Variants in GNAO1 observed in about 807,000 individuals in gnomAD.
GNAO1 encodes guanine nucleotide-binding protein G(o) subunit alpha.
For missense variants in GNAO1, 166 were observed against 478.7 expected (o/e 0.35, Z 6.10); for synonymous variants, 164 against 180.7 (o/e 0.91, Z 0.74).
chr16:56,271,644 G>A (rs529121677), intron 2 of GNAO1, among the ~76,000 whole-genome samples: 3 of 152,064 alleles, frequency 2.0e-5, no homozygotes, highest in Non-Finnish European at 4.4e-5. Flanking sequence ...CAGTAGAGAC[G>A]GGGTTTCACC....
chr16:56,324,791 C>T (rs1337328661), intron 3 of GNAO1, among the ~76,000 whole-genome samples: 2 of 152,242 alleles, frequency 1.3e-5, no homozygotes, highest in Non-Finnish European at 2.9e-5. Context: ...GTCAGGTCAG[C>T]ATGGGGACTT....
intron 3 of GNAO1, among the ~76,000 whole-genome samples, chr16:56,304,133 G>A (rs1352785778): frequency 1.3e-5 from 2 of 152,210 alleles, no homozygotes; most frequent in Non-Finnish European, 2.9e-5. Flanking sequence ...CCAGTGGAGA[G>A]ACTTGTAAAC....
intron 6 of GNAO1, among the ~76,000 whole-genome samples, chr16:56,339,500 G>C (rs1382611455): frequency 6.6e-6 from 1 of 152,244 alleles, no homozygotes; most frequent in African/African-American, 2.4e-5. Flanking sequence ...CTCAGGCCTT[G>C]GTCCTCAGCC....
chr16:56,262,570 A>G (rs1010691530), intron 2 of GNAO1, among the ~76,000 whole-genome samples: 1 of 152,202 alleles, frequency 6.6e-6, no homozygotes, highest in Non-Finnish European at 1.5e-5. Context: ...CAAAGACTGA[A>G]CAAGATGAGC....
chr16:56,227,512 G>A (rs1203505125), intron 2 of GNAO1, among the ~76,000 whole-genome samples: 1 of 151,980 alleles, frequency 6.6e-6, no homozygotes, highest in African/African-American at 2.4e-5. Context: ...AGACATCACT[G>A]TGCTTCAACG....
At chr16:56,241,066 T>C (rs2036689655) in intron 2 of GNAO1, among the ~76,000 whole-genome samples, 1 of 152,170 alleles carries the variant, frequency 6.6e-6, no homozygotes, top group Admixed American at 6.5e-5. Context: ...ACTTCCTGCT[T>C]TTTGGAGTGG....
intron 4 of GNAO1, among the ~76,000 whole-genome samples, chr16:56,331,661 G>C (rs1003655069): frequency 1.3e-5 from 2 of 152,140 alleles, no homozygotes; most frequent in Non-Finnish European, 2.9e-5. Context: ...GGGGAGGTCT[G>C]CTGGGGGCTG....
intron 2 of GNAO1, among the ~76,000 whole-genome samples, chr16:56,264,532 C>T (rs1272217328): frequency 3.2e-4 from 48 of 152,290 alleles, no homozygotes; most frequent in Admixed American, 3.1e-3. Flanking sequence ...TGCTTCTGGC[C>T]AGAGCTACCC....
At chr16:56,346,985 C>G (rs2037876271) in intron 6 of GNAO1, 27 of 985,454 alleles carry the variant, frequency 2.7e-5, no homozygotes, top group Non-Finnish European at 3.3e-5. Context: ...ACAGTTAGCA[C>G]CCAGGGGTTG....
At chr16:56,210,977 T>G (rs2036380809) in intron 2 of GNAO1, among the ~76,000 whole-genome samples, 1 of 152,218 alleles carries the variant, frequency 6.6e-6, no homozygotes. Context: ...TTGATCCACC[T>G]TAATTGTTGT....
chr16:56,327,055 A>G (rs1408338719), intron 3 of GNAO1, among the ~76,000 whole-genome samples: 4 of 151,906 alleles, frequency 2.6e-5, no homozygotes, highest in African/African-American at 9.7e-5. Context: ...CAATTTCCCC[A>G]CTATGAAGTG....
At chr16:56,323,367 A>G (rs2037596509) in intron 3 of GNAO1, among the ~76,000 whole-genome samples, 1 of 151,784 alleles carries the variant, frequency 6.6e-6, no homozygotes, top group Non-Finnish European at 1.5e-5. Context: ...TTAAGAAAAC[A>G]CACACTGAAG....
chr16:56,305,157 A>T (rs1003174484), intron 3 of GNAO1, among the ~76,000 whole-genome samples: 13 of 152,182 alleles, frequency 8.5e-5, no homozygotes, highest in African/African-American at 3.1e-4. Context: ...CCTTGCAAGG[A>T]TGAGGAGATG....
In GNAO1 at chr16:56,197,219, C is replaced by T. The variant is rs145517575; in HGVS notation, c.161+4603C>T. ...CATTTCCCACACTGGCCCCCAGGGT[C>T]GCACGTTGGGTTAGTATTCTACTGA... On this transcript the variant is annotated intron_variant, in intron 2 of 8. Transcript: ENST00000262493. Among the ~76,000 whole-genome samples the T allele has an allele frequency of 4.7e-3, 723 of 152,352 alleles. 5 individuals are homozygous for T. The highest frequency in any genetic ancestry group is 0.01 in the Middle Eastern group (3 of 294).
rs528164861 is a variant in GNAO1 at position 56,221,443 on chromosome 16, A to G, written c.161+28827A>G. ...AGTGGGTGGATCCCTTGAGGTCAGG[A>G]GTTCATGACCAGCCTGGCCAACATG... On this transcript the variant is annotated intron_variant, in intron 2 of 8. Coordinates refer to ENST00000262493, the MANE Select transcript of GNAO1 (RefSeq NM_020988.3). Among the ~76,000 whole-genome samples, 468 of 152,118 alleles carry G rather than the reference A, an allele frequency of 3.1e-3. 2 individuals carry two copies. The highest frequency in any genetic ancestry group is 0.01 in the African/African-American group (435 of 41,494).
At chr16:56,289,995 G>T (rs1228719184) in intron 3 of GNAO1, among the ~76,000 whole-genome samples, 1 of 152,192 alleles carries the variant, frequency 6.6e-6, no homozygotes, top group East Asian at 1.9e-4. Flanking sequence ...GCTTAAAAGC[G>T]CTCAGTGGCA....
intron 2 of GNAO1, among the ~76,000 whole-genome samples, chr16:56,199,030 G>C (rs1363268573): frequency 2.0e-5 from 3 of 152,208 alleles, no homozygotes; most frequent in Non-Finnish European, 2.9e-5. Context: ...GCCCCTCCGA[G>C]GGCTCGGTTT....
chr16:56,328,886 C>A (rs1289229847), intron 4 of GNAO1, 95 bp downstream of exon 4: 4 of 1,300,512 alleles, frequency 3.1e-6, no homozygotes, highest in Non-Finnish European at 4.3e-6. Context: ...GGAGGATTCT[C>A]GGCTGAGGTC....
chr16:56,251,357 A>G (rs2036798141), intron 2 of GNAO1, among the ~76,000 whole-genome samples: 1 of 152,178 alleles, frequency 6.6e-6, no homozygotes, highest in Non-Finnish European at 1.5e-5. Flanking sequence ...AAGTTCTTAA[A>G]ACTTCTACAA....
Sources: allele counts gnomAD v4.1 joint callset (sites outside exome capture counted in the v4.1 genomes callset), GRCh38; gene constraint gnomAD v4.1.1; transcripts MANE v1.5; gene names NCBI Gene and HGNC (gene_info 2026-07-23, HGNC 2026-07-21).